The following HEMK2 variants were observed in gnomAD, a reference collection of about 807,000 sequenced individuals.
HEMK2 encodes methyltransferase HEMK2.
At chr21:28,764,076 T>C in the HEMK2 span, among the ~76,000 whole-genome samples, 1 of 152,184 alleles carries the variant, frequency 6.6e-6, no homozygotes, top group South Asian at 2.1e-4. Flanking sequence ...TTAATAGTTT[T>C]CTCTTTTTTT....
At chr21:28,595,187 ATTC>A in the HEMK2 span, among the ~76,000 whole-genome samples, 2 of 152,150 alleles carry the variant, frequency 1.3e-5, no homozygotes, top group East Asian at 1.9e-4. Flanking sequence ...ATTCAATTAT[ATTC>A]TTCTAGTTAT....
At chr21:28,645,729 T>C in the HEMK2 span, among the ~76,000 whole-genome samples, 2 of 152,306 alleles carry the variant, frequency 1.3e-5, no homozygotes, top group East Asian at 3.9e-4. Flanking sequence ...GAGATTAATG[T>C]CCTCATAAAA....
chr21:28,596,158 A>C, the HEMK2 span, among the ~76,000 whole-genome samples: 2 of 152,154 alleles, frequency 1.3e-5, no homozygotes, highest in Middle Eastern at 3.4e-3. Context: ...CTGGGACTAC[A>C]GGCGCCCGCC....
the HEMK2 span, among the ~76,000 whole-genome samples, chr21:28,831,511 GAAAGAAA>G: frequency 1.2e-4 from 11 of 89,908 alleles, no homozygotes; most frequent in East Asian, 6.8e-4. Flanking sequence ...AAGAAAGAAA[GAAAGAAA>G]GAAAGAAGGA....
chr21:28,645,996 G>A, the HEMK2 span, among the ~76,000 whole-genome samples: 2 of 152,036 alleles, frequency 1.3e-5, no homozygotes, highest in Admixed American at 6.5e-5. Flanking sequence ...GCTGGGATTC[G>A]GAATTTTTAA....
At chr21:28,621,478 C>T in the HEMK2 span, among the ~76,000 whole-genome samples, 45 of 152,106 alleles carry the variant, frequency 3.0e-4, no homozygotes, top group South Asian at 2.1e-4. Context: ...CTGTTTCACG[C>T]GTCCGTGTGA....
the HEMK2 span, among the ~76,000 whole-genome samples, chr21:28,704,737 A>T: frequency 6.6e-6 from 1 of 152,294 alleles, no homozygotes; most frequent in South Asian, 2.1e-4. Context: ...CCTAAGATGT[A>T]CTAAAATTAC....
the HEMK2 span, among the ~76,000 whole-genome samples, chr21:28,863,683 A>G: frequency 6.6e-6 from 1 of 151,806 alleles, no homozygotes; most frequent in Non-Finnish European, 1.5e-5. Flanking sequence ...GGAAGTCCAT[A>G]AACTTCAGAT....
At chr21:28,784,558 C>A in the HEMK2 span, among the ~76,000 whole-genome samples, 1 of 151,630 alleles carries the variant, frequency 6.6e-6, no homozygotes, top group Non-Finnish European at 1.5e-5. Flanking sequence ...TTTGTAAATG[C>A]ACCAATCAGC....
chr21:28,761,861 G>T, the HEMK2 span, among the ~76,000 whole-genome samples: 4 of 152,194 alleles, frequency 2.6e-5, no homozygotes, highest in East Asian at 5.8e-4. Flanking sequence ...AAATGGGGCA[G>T]CAAATTGAAA....
chr21:28,840,014 T>C, the HEMK2 span, among the ~76,000 whole-genome samples: 2 of 152,008 alleles, frequency 1.3e-5, no homozygotes, highest in Non-Finnish European at 2.9e-5. Flanking sequence ...GGCACAAAAA[T>C]AGGCACAAAG....
At chr21:28,657,474 C>T in the HEMK2 span, among the ~76,000 whole-genome samples, 5 of 152,052 alleles carry the variant, frequency 3.3e-5, no homozygotes, top group Admixed American at 3.3e-4. Context: ...AATATTCTGA[C>T]TTCATGTCAA....
chr21:28,690,719 T>C, the HEMK2 span, among the ~76,000 whole-genome samples: 2 of 152,278 alleles, frequency 1.3e-5, no homozygotes, highest in Admixed American at 1.3e-4. Flanking sequence ...AATTTCTTTC[T>C]TGCATTGTAT....
At chr21:28,706,297 A>G in the HEMK2 span, among the ~76,000 whole-genome samples, 1 of 152,322 alleles carries the variant, frequency 6.6e-6, no homozygotes, top group East Asian at 1.9e-4. Flanking sequence ...AATTCATTTC[A>G]TCTGTTCCAC....
chr21:28,700,859 A>G, the HEMK2 span, among the ~76,000 whole-genome samples: 2 of 150,892 alleles, frequency 1.3e-5, no homozygotes, highest in East Asian at 3.9e-4. Context: ...AGAACACTTT[A>G]GGACAATATC....
At chr21:28,846,855 T>C in the HEMK2 span, among the ~76,000 whole-genome samples, 4 of 152,222 alleles carry the variant, frequency 2.6e-5, no homozygotes, top group Admixed American at 2.6e-4. Context: ...TACTCAATGT[T>C]AGCTCCCACT....
At chr21:28,745,598 C>T in the HEMK2 span, among the ~76,000 whole-genome samples, 1 of 152,196 alleles carries the variant, frequency 6.6e-6, no homozygotes, top group Non-Finnish European at 1.5e-5. Flanking sequence ...CTCTATCTCA[C>T]CTCACCAGCA....
the HEMK2 span, among the ~76,000 whole-genome samples, chr21:28,861,164 G>T: frequency 1.3e-5 from 2 of 152,342 alleles, no homozygotes; most frequent in African/African-American, 2.4e-5. Flanking sequence ...AGATCTAACA[G>T]TGAGAACTGC....
chr21:28,724,112 T>C, the HEMK2 span, among the ~76,000 whole-genome samples: 1 of 152,204 alleles, frequency 6.6e-6, no homozygotes, highest in South Asian at 2.1e-4. Context: ...CTCAATCCCT[T>C]CCTCAAGCCC....
Sources: allele counts gnomAD v4.1 joint callset (sites outside exome capture counted in the v4.1 genomes callset), GRCh38; gene constraint gnomAD v4.1.1; transcripts MANE v1.5; gene names NCBI Gene and HGNC (gene_info 2026-07-23, HGNC 2026-07-21).